The following KDM4C variants were observed in gnomAD, a reference collection of about 807,000 sequenced individuals.
The protein encoded by KDM4C is lysine demethylase 4C.
KDM4C carries 81 observed loss-of-function variants against 129.3 expected under a neutral mutation model. That is an observed-to-expected ratio of 0.63 (90% confidence interval 0.52 to 0.75). The LOEUF (loss-of-function observed/expected upper bound fraction) is 0.75. KDM4C is among the 30% of genes least tolerant of loss of function. The pLI is 0.00. For missense variants in KDM4C, 1,457 were observed against 1,304.0 expected, an observed-to-expected ratio of 1.12 and a Z score of -1.81; for synonymous variants, 573 against 456.1, an observed-to-expected ratio of 1.26 and a Z score of -3.26.
chr9:6,866,599 C>G (rs1842020680), intron 5 of KDM4C, among the ~76,000 whole-genome samples: 1 of 152,130 alleles, frequency 6.6e-6, no homozygotes. Context: ...ATATTTCTTT[C>G]TTCAGGTACT....
In KDM4C at chr9:7,014,183, C is replaced by G. The variant is rs1458309688; in HGVS notation, c.2182+182C>G. Reference sequence around the variant, plus strand: ...AGTTGGTATATTCATCCTTTTTTCACCACTTTCATGTAGTATCCGTGGAGA... The same window carrying G: ...AGTTGGTATATTCATCCTTTTTTCAGCACTTTCATGTAGTATCCGTGGAGA... On this transcript the variant is annotated intron_variant, in intron 14 of 21. Transcript: ENST00000381309. The G allele has an allele frequency of 7.1e-6, 4 of 566,458 alleles. No homozygotes were observed. In the East Asian group the frequency reaches 8.6e-5, roughly 12 times the overall value. The allele number at this position is 566,458 out of a possible 1,614,324, so 35.1% of individuals were successfully genotyped here. A position where few individuals can be genotyped will look rare whatever the true frequency, so the allele number is the denominator to read the frequency against.
At chr9:6,936,347 G>T (rs1008805025) in intron 8 of KDM4C, among the ~76,000 whole-genome samples, 3 of 152,074 alleles carry the variant, frequency 2.0e-5, no homozygotes, top group African/African-American at 7.2e-5. Flanking sequence ...AGATTTGTGG[G>T]CATGGGTATA....
At chr9:6,940,727 G>A (rs1028490857) in intron 8 of KDM4C, among the ~76,000 whole-genome samples, 1 of 152,116 alleles carries the variant, frequency 6.6e-6, no homozygotes, top group Non-Finnish European at 1.5e-5. Flanking sequence ...TTTACAGCAC[G>A]TAAGTATCCA....
chr9:6,845,128 C>G (rs935420749), intron 4 of KDM4C, among the ~76,000 whole-genome samples: 2 of 152,124 alleles, frequency 1.3e-5, no homozygotes, highest in Non-Finnish European at 2.9e-5. Context: ...CTGTGTTGTT[C>G]CCTTCAGTTT....
intron 8 of KDM4C, chr9:6,924,695 CATA>C: frequency 1.1e-6 from 1 of 877,490 alleles, no homozygotes; most frequent in East Asian, 1.2e-4. Context: ...GGTACCGATG[CATA>C]ATGTGTCATC....
chr9:6,844,660 G>A (rs1272278084), intron 4 of KDM4C, among the ~76,000 whole-genome samples: 1 of 152,168 alleles, frequency 6.6e-6, no homozygotes, highest in Non-Finnish European at 1.5e-5. Context: ...AGAGGACAAA[G>A]TTTTTCGACC....
rs116992018 is a variant in KDM4C, at chr9:6,773,746, G to C, written c.-18+15543G>C. On this transcript the variant is annotated intron_variant, in intron 1 of 21. Transcript: ENST00000381309. ...AGATCGCACCATGGCACCCTAGCCT[G>C]GGCGACAGAGTGAGACTCTGTCTCA... Among the ~76,000 whole-genome samples, 649 of 150,570 alleles carry C rather than the reference G, an allele frequency of 4.3e-3. 4 individuals carry two copies. Among genetic ancestry groups the C allele is most frequent in the South Asian group, 0.028 (132 of 4,748 alleles).
At chr9:6,927,609 C>G (rs1013959846) in intron 8 of KDM4C, among the ~76,000 whole-genome samples, 1 of 152,198 alleles carries the variant, frequency 6.6e-6, no homozygotes, top group Non-Finnish European at 1.5e-5. Context: ...CATCCCTCAT[C>G]TACGTAGAGG....
At chr9:7,170,939 C>CAA (rs543398910) in intron 21 of KDM4C, 1 of 152,904 alleles carries the variant, frequency 6.5e-6, no homozygotes, top group Non-Finnish European at 1.2e-5. Flanking sequence ...AAAAAAAAAG[C>CAA]AAAAAAAAAC....
intron 6 of KDM4C, among the ~76,000 whole-genome samples, chr9:6,882,805 T>TGTGCGC (rs66830716): frequency 6.7e-6 from 1 of 149,154 alleles, no homozygotes; most frequent in African/African-American, 2.5e-5. Flanking sequence ...TGTGTGTGTG[T>TGTGCGC]GCGCGTGTGC....
At chr9:7,015,775 T>TGAAA in intron 14 of KDM4C, 78 bp from the exon 15 acceptor site, 1 of 963,340 alleles carries the variant, frequency 1.0e-6, no homozygotes, top group Admixed American at 1.8e-5. Flanking sequence ...CCCATTTTTA[T>TGAAA]TTATTTCAGT....
chr9:7,114,012 A>T (rs1838624906), intron 18 of KDM4C, among the ~76,000 whole-genome samples: 1 of 152,148 alleles, frequency 6.6e-6, no homozygotes, highest in South Asian at 2.1e-4. Flanking sequence ...AAAAATACTG[A>T]TGTGAGGCCA....
intron 17 of KDM4C, among the ~76,000 whole-genome samples, chr9:7,083,210 G>A (rs1352328427): frequency 6.6e-6 from 1 of 152,100 alleles, no homozygotes; most frequent in Non-Finnish European, 1.5e-5. Context: ...TCAGATTTTG[G>A]ATTTTGTAAT....
chr9:6,824,412 C>T (rs1050778994), intron 4 of KDM4C, among the ~76,000 whole-genome samples: 3 of 152,018 alleles, frequency 2.0e-5, no homozygotes, highest in African/African-American at 4.8e-5. Flanking sequence ...GGGAGGGCTT[C>T]GGATGAGAAG....
chr9:6,850,920 A>G (rs1044357063), intron 5 of KDM4C, among the ~76,000 whole-genome samples: 5 of 151,008 alleles, frequency 3.3e-5, no homozygotes, highest in Middle Eastern at 3.5e-3. Context: ...ACGCCTGGCT[A>G]ATTTTTGTAT....
rs1835656923 is a variant in KDM4C, at chr9:6,835,170, T to C, written c.436-14337T>C. 2.7e-5 allele frequency: 26 copies of C among 945,492 alleles called. No individual in the cohort carries two copies. In the South Asian group the frequency reaches 3.1e-4, roughly 11 times the overall value. 58.6% of individuals were successfully genotyped at this position (945,492 alleles called of 1,614,324 possible). On this transcript the variant is annotated intron_variant, in intron 4 of 21. Transcript: ENST00000381309. ...CCAGCTCCTCCCTGGAGAAGAGCTA[T>C]GAGCTGACTGACGGCCAGGTCATCA... is the stretch of plus-strand genomic sequence containing the variant.
At chr9:6,916,824 A>C (rs1820395774) in intron 8 of KDM4C, among the ~76,000 whole-genome samples, 1 of 152,136 alleles carries the variant, frequency 6.6e-6, no homozygotes, top group South Asian at 2.1e-4. Context: ...ATCACCTTTG[A>C]ATAGGTTCTA....
chr9:6,887,552 A>G (rs1845489605), intron 6 of KDM4C, among the ~76,000 whole-genome samples: 1 of 152,202 alleles, frequency 6.6e-6, no homozygotes, highest in Non-Finnish European at 1.5e-5. Flanking sequence ...TCAGGAATGC[A>G]TACTTATCTT....
At chr9:7,091,718 C>T (rs1412058384) in intron 17 of KDM4C, among the ~76,000 whole-genome samples, 1 of 152,122 alleles carries the variant, frequency 6.6e-6, no homozygotes, top group African/African-American at 2.4e-5. Flanking sequence ...TGAGTTAAGC[C>T]TTGGCCATCA....
Sources: gnomAD v4.1 joint callset for allele counts (sites outside exome capture counted in the v4.1 genomes callset) on GRCh38, gnomAD v4.1.1 for gene constraint, MANE v1.5 for transcripts, NCBI Gene and HGNC (gene_info 2026-07-23, HGNC 2026-07-21) for gene names.